The following SLC9A9 variants were observed in gnomAD, a reference collection of about 807,000 sequenced individuals.
The protein encoded by SLC9A9 is solute carrier family 9 member A9, also known as sodium/hydrogen exchanger 9.
Under a neutral mutation model 77.8 loss-of-function variants are expected in SLC9A9, and 62 were observed. That is an observed-to-expected ratio of 0.80 (90% CI 0.65 to 0.98). The LOEUF (loss-of-function observed/expected upper bound fraction) is 0.98. SLC9A9 is among the 50% of genes least tolerant of loss of function. The probability of loss-of-function intolerance (pLI) is 0.00; values close to 1 mark genes in which losing one functional copy is unlikely to be tolerated. For missense variants in SLC9A9, 775 were observed against 774.9 expected (o/e 1.00, Z 0.00); for synonymous variants, 320 against 283.5 (o/e 1.13, Z -1.29).
chr3:143,363,402 A>C, intron 14 of SLC9A9, 82 bp downstream of exon 14: 50 of 1,146,726 alleles, frequency 4.4e-5, no homozygotes, highest in Non-Finnish European at 5.8e-5. Context: ...GAAGAGCAGG[A>C]GTGCACACTT....
chr3:143,675,641 A>G (rs1298768272), intron 5 of SLC9A9, among the ~76,000 whole-genome samples: 1 of 152,172 alleles, frequency 6.6e-6, no homozygotes, highest in African/African-American at 2.4e-5. Flanking sequence ...GGCAGACACA[A>G]TATCATACTG....
At chr3:143,399,956 C>T (rs907315977) in intron 12 of SLC9A9, among the ~76,000 whole-genome samples, 3 of 152,102 alleles carry the variant, frequency 2.0e-5, no homozygotes, top group Non-Finnish European at 4.4e-5. Context: ...TTGTTACACT[C>T]ATATATATCT....
chr3:143,347,063 T>C (rs1227614344), intron 14 of SLC9A9: 3 of 152,156 alleles, frequency 2.0e-5, no homozygotes, highest in African/African-American at 7.2e-5. Context: ...ATAAAAAGCA[T>C]CTAACAATTC....
At chr3:143,297,598 G>T (rs761953678) in intron 14 of SLC9A9, among the ~76,000 whole-genome samples, 8 of 152,132 alleles carry the variant, frequency 5.3e-5, no homozygotes, top group Non-Finnish European at 8.8e-5. Flanking sequence ...TACTTTGCTA[G>T]TATGGACATA....
At chr3:143,817,425 G>A (rs2009049908) in intron 2 of SLC9A9, among the ~76,000 whole-genome samples, 1 of 152,044 alleles carries the variant, frequency 6.6e-6, no homozygotes, top group South Asian at 2.1e-4. Context: ...TGGGATTACA[G>A]GCGTGAGCCA....
intron 1 of SLC9A9, among the ~76,000 whole-genome samples, chr3:143,841,754 C>CTTTTCTTTCTTTTTCTT (rs55981223): frequency 1.3e-5 from 2 of 149,316 alleles, no homozygotes; most frequent in South Asian, 4.2e-4. Context: ...TATAGAGGCT[C>CTTTTCTTTCTTTTTCTT]TTTTCTTTAT....
At chr3:143,281,636 A>G (rs1382208125) in intron 14 of SLC9A9, among the ~76,000 whole-genome samples, 2 of 152,222 alleles carry the variant, frequency 1.3e-5, no homozygotes, top group Non-Finnish European at 2.9e-5. Context: ...CAGGGGAGGC[A>G]GCAGGGACTA....
intron 9 of SLC9A9, among the ~76,000 whole-genome samples, chr3:143,544,079 A>T (rs769815825): frequency 2.0e-5 from 3 of 152,152 alleles, no homozygotes; most frequent in Non-Finnish European, 4.4e-5. Flanking sequence ...GGTGTAAGAT[A>T]ATATCTAATT....
intron 6 of SLC9A9, among the ~76,000 whole-genome samples, chr3:143,634,794 A>G (rs2038485588): frequency 6.6e-6 from 1 of 152,134 alleles, no homozygotes. Context: ...TTTGGCTTAA[A>G]TTCCCTCCAT....
chr3:143,844,773 CTTTCTTT>C (rs2009796018), intron 1 of SLC9A9, among the ~76,000 whole-genome samples: 2 of 143,360 alleles, frequency 1.4e-5, no homozygotes, highest in African/African-American at 5.2e-5. Context: ...TTCTTTCTTT[CTTTCTTT>C]CTTTCTTTCT....
At chr3:143,415,676 A>G (rs935115679) in intron 12 of SLC9A9, among the ~76,000 whole-genome samples, 7 of 152,214 alleles carry the variant, frequency 4.6e-5, no homozygotes, top group African/African-American at 1.4e-4. Flanking sequence ...ATAGGGATGT[A>G]AAAGGAGATT....
At chr3:143,388,896 T>C (rs1160638626) in intron 12 of SLC9A9, among the ~76,000 whole-genome samples, 1 of 152,174 alleles carries the variant, frequency 6.6e-6, no homozygotes, top group African/African-American at 2.4e-5. Context: ...TTAGGTACGT[T>C]TCACAGAGGA....
chr3:143,495,745 G>A (rs922497153), intron 9 of SLC9A9, among the ~76,000 whole-genome samples: 1 of 152,144 alleles, frequency 6.6e-6, no homozygotes, highest in East Asian at 1.9e-4. Context: ...TGACAAAATA[G>A]TCCCTGTAAA....
At chr3:143,270,330 T>C (rs570263394) in intron 14 of SLC9A9, among the ~76,000 whole-genome samples, 14 of 152,326 alleles carry the variant, frequency 9.2e-5, no homozygotes, top group Non-Finnish European at 1.8e-4. Flanking sequence ...GGCCTAGAGA[T>C]ATAATTTTAA....
chr3:143,844,765 CTTTCTTTCTTTCTTT>C lies in SLC9A9; in HGVS notation c.175+3368_175+3382del, dbSNP rs1325938808. Among the ~76,000 whole-genome samples, 56 of 147,256 alleles carry C rather than the reference CTTTCTTTCTTTCTTT, an allele frequency of 3.8e-4. 1 individual carries two copies. Among genetic ancestry groups the C allele is most frequent in the African/African-American group, 1.4e-3 (56 of 39,526 alleles). ...TCTTTCTTTCTTTCTTTCTTTCTTT[CTTTCTTTCTTTCTTT>C]CTTTCTTTCTGACACAGTCTCACTC... On this transcript the variant is annotated intron_variant, in intron 1 of 15. Coordinates refer to ENST00000316549, the MANE Select transcript of SLC9A9 (RefSeq NM_173653.4).
At chr3:143,323,359 A>C (rs1383742598) in intron 14 of SLC9A9, among the ~76,000 whole-genome samples, 1 of 152,226 alleles carries the variant, frequency 6.6e-6, no homozygotes, top group Non-Finnish European at 1.5e-5. Flanking sequence ...AATGTGGTGT[A>C]TATATACACA....
intron 12 of SLC9A9, among the ~76,000 whole-genome samples, chr3:143,441,373 C>T (rs916000616): frequency 1.1e-4 from 16 of 152,152 alleles, no homozygotes; most frequent in Admixed American, 3.9e-4. Flanking sequence ...TTATGAATAA[C>T]GTGGGATCCT....
intron 14 of SLC9A9, among the ~76,000 whole-genome samples, chr3:143,355,887 G>T (rs1021837982): frequency 2.6e-5 from 4 of 152,202 alleles, no homozygotes; most frequent in Non-Finnish European, 5.9e-5. Flanking sequence ...GGGGAGAAGT[G>T]ACCTTCTGAT....
intron 4 of SLC9A9, among the ~76,000 whole-genome samples, chr3:143,778,979 G>A (rs1441651383): frequency 6.6e-6 from 1 of 152,182 alleles, no homozygotes; most frequent in African/African-American, 2.4e-5. Flanking sequence ...ACCAATGTTA[G>A]ATTCTTTCAA....
Sources: gnomAD v4.1 joint callset for allele counts (sites outside exome capture counted in the v4.1 genomes callset) on GRCh38, gnomAD v4.1.1 for gene constraint, MANE v1.5 for transcripts, NCBI Gene and HGNC (gene_info 2026-07-23, HGNC 2026-07-21) for gene names.